The following TRPC4 variants were observed in gnomAD, a reference collection of about 807,000 sequenced individuals.
The protein encoded by TRPC4 is transient receptor potential cation channel subfamily C member 4, also known as short transient receptor potential channel 4.
In TRPC4, 49 loss-of-function variants were observed where a neutral mutation model predicts 99.4. That is an observed-to-expected ratio of 0.49 (90% CI 0.39 to 0.63). The LOEUF is 0.63. Among genes scored for constraint, TRPC4 ranks in the 20% least tolerant of loss-of-function variants. The pLI, the probability that TRPC4 is intolerant of heterozygous loss-of-function variation, is 0.00. For synonymous variants in TRPC4, 454 were observed against 425.9 expected (o/e 1.07, Z -0.81); for missense variants, 898 against 1,152.9 (o/e 0.78, Z 3.20).
chr13:37,863,174 G>T (rs1209810048), intron 1 of TRPC4, among the ~76,000 whole-genome samples: 1 of 151,450 alleles, frequency 6.6e-6, no homozygotes, highest in Non-Finnish European at 1.5e-5. Flanking sequence ...GCCTTTCTCA[G>T]GACGTATTTG....
At chr13:37,729,111 G>C (rs1161998022) in intron 3 of TRPC4, among the ~76,000 whole-genome samples, 2 of 151,990 alleles carry the variant, frequency 1.3e-5, no homozygotes, top group African/African-American at 4.8e-5. Flanking sequence ...ATTGGACTTG[G>C]CAATAATTTT....
intron 2 of TRPC4, among the ~76,000 whole-genome samples, chr13:37,755,472 G>T (rs996190018): frequency 1.3e-5 from 2 of 151,546 alleles, no homozygotes; most frequent in African/African-American, 4.9e-5. Flanking sequence ...GGGTCTCACT[G>T]TATTGCCCAG....
intron 1 of TRPC4, among the ~76,000 whole-genome samples, chr13:37,799,011 A>G (rs1957325567): frequency 6.6e-6 from 1 of 151,426 alleles, no homozygotes; most frequent in African/African-American, 2.4e-5. Context: ...CGCTCACTGC[A>G]ACCTCTGCCT....
intron 1 of TRPC4, among the ~76,000 whole-genome samples, chr13:37,789,386 C>G (rs979180276): frequency 6.6e-6 from 1 of 152,136 alleles, no homozygotes; most frequent in African/African-American, 2.4e-5. Flanking sequence ...TTTTCTTCCT[C>G]TCAATGCACA....
chr13:37,759,733 C>T (rs963646207), intron 2 of TRPC4, among the ~76,000 whole-genome samples: 40 of 151,962 alleles, frequency 2.6e-4, no homozygotes, highest in Non-Finnish European at 5.6e-4. Flanking sequence ...ACAGGCTCCC[C>T]CATTCATTGA....
chr13:37,679,261 T>A (rs1472607591), intron 4 of TRPC4, among the ~76,000 whole-genome samples: 4 of 152,134 alleles, frequency 2.6e-5, no homozygotes, highest in Admixed American at 6.5e-5. Context: ...TACATGACTG[T>A]ATGCGTTTTA....
chr13:37,784,528 C>T (rs1467711545), intron 1 of TRPC4, among the ~76,000 whole-genome samples: 1 of 151,884 alleles, frequency 6.6e-6, no homozygotes, highest in African/African-American at 2.4e-5. Flanking sequence ...ATTATCTAAC[C>T]TATTTTACTT....
intron 3 of TRPC4, among the ~76,000 whole-genome samples, chr13:37,729,417 T>C (rs1955172227): frequency 7.2e-6 from 1 of 139,166 alleles, no homozygotes; most frequent in African/African-American, 2.6e-5. Flanking sequence ...GAAAAACACT[T>C]GTGGAGGTTT....
intron 1 of TRPC4, among the ~76,000 whole-genome samples, chr13:37,808,270 T>A (rs968470350): frequency 3.9e-5 from 6 of 152,086 alleles, no homozygotes; most frequent in African/African-American, 1.4e-4. Flanking sequence ...AAGAAAATGA[T>A]AGTCTTGGCA....
intron 10 of TRPC4, 47 bp downstream of exon 10, chr13:37,638,993 C>T (rs1250678196): frequency 1.9e-6 from 3 of 1,579,120 alleles, no homozygotes; most frequent in South Asian, 2.2e-5. Flanking sequence ...TATCTGGATC[C>T]ATATTCTGCA....
intron 3 of TRPC4, among the ~76,000 whole-genome samples, chr13:37,693,311 C>T (rs1953787406): frequency 6.6e-6 from 1 of 151,970 alleles, no homozygotes; most frequent in Admixed American, 6.6e-5. Context: ...TGAGGGTAAT[C>T]CACGGCAAGA....
intron 3 of TRPC4, among the ~76,000 whole-genome samples, chr13:37,737,208 A>C (rs1392555845): frequency 6.7e-6 from 1 of 149,552 alleles, no homozygotes; most frequent in East Asian, 2.0e-4. Flanking sequence ...TTGGGGACCC[A>C]GGAACAGACA....
At chr13:37,714,695 C>A (rs541764029) in intron 3 of TRPC4, among the ~76,000 whole-genome samples, 2 of 152,258 alleles carry the variant, frequency 1.3e-5, no homozygotes, top group Non-Finnish European at 2.9e-5. Context: ...CAAAGTATCA[C>A]CCCACATGAT....
At chr13:37,714,099 CT>C (rs956838638) in intron 3 of TRPC4, among the ~76,000 whole-genome samples, 2 of 150,064 alleles carry the variant, frequency 1.3e-5, no homozygotes, top group Non-Finnish European at 3.0e-5. Flanking sequence ...CTTTTCTTTT[CT>C]TTTTTTTCTC....
chr13:37,807,603 A>G (rs963540251), intron 1 of TRPC4, among the ~76,000 whole-genome samples: 2 of 151,914 alleles, frequency 1.3e-5, no homozygotes, highest in Non-Finnish European at 2.9e-5. Flanking sequence ...TTCCTCTGTC[A>G]CCTCCACCTC....
At chr13:37,674,427 T>C in intron 4 of TRPC4, 60 bp from the exon 5 acceptor site, 1 of 1,539,540 alleles carries the variant, frequency 6.5e-7, no homozygotes, top group African/African-American at 1.4e-5. Context: ...AAAAAAGCAA[T>C]ATACAATTTA....
At chr13:37,812,176 C>A (rs199935340) in intron 1 of TRPC4, among the ~76,000 whole-genome samples, 235 of 55,048 alleles carry the variant, frequency 4.3e-3, no homozygotes, top group South Asian at 6.4e-3. Context: ...GAGACTCTAT[C>A]AAAAAAAAAA....
chr13:37,679,697 T>G (rs1407374739), intron 4 of TRPC4, among the ~76,000 whole-genome samples: 1 of 152,220 alleles, frequency 6.6e-6, no homozygotes, highest in East Asian at 1.9e-4. Context: ...GGCATTTACA[T>G]CCTAGTTTCC....
chr13:37,797,719 T>C (rs778816465), intron 1 of TRPC4, among the ~76,000 whole-genome samples: 3 of 152,232 alleles, frequency 2.0e-5, no homozygotes, highest in Non-Finnish European at 4.4e-5. Context: ...AGGTTCATTA[T>C]GCACAAGGAA....
Sources: gnomAD v4.1 joint callset for allele counts (sites outside exome capture counted in the v4.1 genomes callset) on GRCh38, gnomAD v4.1.1 for gene constraint, MANE v1.5 for transcripts, NCBI Gene and HGNC (gene_info 2026-07-23, HGNC 2026-07-21) for gene names.